LYST: variants seen among roughly 807,000 people sequenced by gnomAD.
The protein encoded by LYST is lysosomal trafficking regulator.
A neutral mutation model predicts 413.6 loss-of-function variants in LYST; 192 were observed. The ratio of observed to expected loss-of-function variants is 0.46; its 90% CI spans 0.41 to 0.52. The LOEUF (loss-of-function observed/expected upper bound fraction) is 0.52. Among genes scored for constraint, LYST ranks in the 20% least tolerant of loss-of-function variants. The probability of loss-of-function intolerance (pLI) is 0.00; values close to 1 mark genes in which losing one functional copy is unlikely to be tolerated. For synonymous variants in LYST, 1,525 were observed against 1,567.3 expected (o/e 0.97, Z 0.64); for missense variants, 3,815 against 4,499.9 (o/e 0.85, Z 4.35).
At chr1:235,741,974 T>C (rs965462311) in intron 30 of LYST, among the ~76,000 whole-genome samples, 24 of 152,178 alleles carry the variant, frequency 1.6e-4, no homozygotes, top group Non-Finnish European at 2.6e-4. Flanking sequence ...TGGATGACCC[T>C]TGAGGACATT....
intron 23 of LYST, 108 bp from the exon 24 acceptor site, chr1:235,757,566 T>C (rs1434032142): frequency 2.6e-5 from 20 of 779,064 alleles, no homozygotes; most frequent in Admixed American, 1.8e-4. Flanking sequence ...GAAACAAATG[T>C]TCATAATGCT....
intron 50 of LYST, among the ~76,000 whole-genome samples, chr1:235,665,381 G>A (rs531155246): frequency 1.3e-5 from 2 of 151,966 alleles, no homozygotes; most frequent in East Asian, 2.0e-4. Context: ...AGGCCGAGGC[G>A]GGTGGATCAC....
chr1:235,880,037 T>C (rs1432217667), intron 1 of LYST, among the ~76,000 whole-genome samples: 2 of 152,212 alleles, frequency 1.3e-5, no homozygotes, highest in Non-Finnish European at 2.9e-5. Flanking sequence ...ATGCCCAGAC[T>C]GAGAATGGAT....
chr1:235,793,920 C>T (rs539160952), intron 10 of LYST, among the ~76,000 whole-genome samples: 4 of 152,204 alleles, frequency 2.6e-5, no homozygotes, highest in African/African-American at 9.6e-5. Flanking sequence ...GCAACCTCCA[C>T]CTCCCAGGTT....
chr1:235,731,661 C>T (rs555619657), intron 34 of LYST, among the ~76,000 whole-genome samples: 117 of 150,420 alleles, frequency 7.8e-4, no homozygotes, highest in African/African-American at 2.8e-3. Context: ...CGGGCTCAAG[C>T]GATTCTCCTG....
chr1:235,743,717 T>C (rs1178666873), intron 30 of LYST, among the ~76,000 whole-genome samples: 3 of 152,198 alleles, frequency 2.0e-5, no homozygotes, highest in Non-Finnish European at 4.4e-5. Context: ...TCTTTTCTGA[T>C]GCTGATCTTA....
At chr1:235,724,865 C>T (rs893465759) in intron 38 of LYST, among the ~76,000 whole-genome samples, 1 of 152,132 alleles carries the variant, frequency 6.6e-6, no homozygotes, top group Admixed American at 6.5e-5. Context: ...AAATGACATC[C>T]CCAGAAGTCA....
At position 235,774,912 on chromosome 1, in the gene LYST, C is replaced by T. The variant is rs754397138; in HGVS notation, c.5634+1G>A. 1.9e-6 allele frequency: 3 copies of T among 1,594,554 alleles called. No homozygotes were observed. The highest frequency in any genetic ancestry group is 1.7e-6 in the Non-Finnish European group (2 of 1,165,038). On this transcript the variant is annotated splice_donor_variant, in intron 18 of 52. Coordinates refer to ENST00000389793, the MANE Select transcript of LYST (RefSeq NM_000081.4). LOFTEE classifies it high-confidence loss of function. ...TAAGAATAAATTTTATGAAGACATA[C>T]CTTCAAAATGTAAAACCCAACAATG...
intron 12 of LYST, among the ~76,000 whole-genome samples, chr1:235,790,547 C>T (rs768791116): frequency 2.6e-5 from 4 of 152,160 alleles, no homozygotes; most frequent in Non-Finnish European, 2.9e-5. Context: ...CTAGTGAAGG[C>T]ATAGTGTCCT....
At chr1:235,819,470 T>G (rs74148831) in intron 3 of LYST, among the ~76,000 whole-genome samples, 12,312 of 152,104 alleles carry the variant, frequency 0.081, 1,693 homozygotes, top group African/African-American at 0.28. Flanking sequence ...AGGTCCTTTG[T>G]ACACACAATA....
chr1:235,684,702 T>TCGA (rs1217695980), intron 48 of LYST, among the ~76,000 whole-genome samples: 16 of 152,168 alleles, frequency 1.1e-4, no homozygotes, highest in Non-Finnish European at 1.0e-4. Flanking sequence ...TGCTGTGATC[T>TCGA]CGACCTTCTG....
intron 12 of LYST, among the ~76,000 whole-genome samples, chr1:235,790,308 C>A (rs554227434): frequency 3.2e-4 from 48 of 152,248 alleles, no homozygotes; most frequent in South Asian, 1.9e-3. Context: ...CAATTCCTTT[C>A]CATCACTTAC....
At chr1:235,701,553 G>A (rs1051179111) in intron 45 of LYST, among the ~76,000 whole-genome samples, 6 of 152,224 alleles carry the variant, frequency 3.9e-5, no homozygotes, top group African/African-American at 7.2e-5. Flanking sequence ...GTTTGAACCC[G>A]GGAGGCAGAG....
At position 235,759,006 on chromosome 1, in the gene LYST, C is replaced by T. The variant is rs762563479; in HGVS notation, c.6847G>A (p.Glu2283Lys). Residue 2283 changes from glutamate to lysine, a missense_variant, in exon 23 of 53, where the codon GAG (glutamate) becomes AAG (lysine). Physicochemically the swap from Glu to Lys is moderately conservative, Grantham distance 56. Transcript: ENST00000389793. ...CTTGCAGTTCGGTTGTAATTTGGCTCATAACCAAGAGAATAGGCAAAGTTT... is the reference window on the plus strand; with the variant it reads ...CTTGCAGTTCGGTTGTAATTTGGCTTATAACCAAGAGAATAGGCAAAGTTT... ...WENFAYSLGY[E>K]PNYNRTASAH... is the part of the protein sequence containing the mutation. 1.2e-6 allele frequency: 2 copies of T among 1,614,008 alleles called. No homozygotes were observed. Among genetic ancestry groups the T allele is most frequent in the Admixed American group, 3.3e-5 (2 of 60,000 alleles).
At chr1:235,801,996 C>A (rs1672283949) in intron 8 of LYST, among the ~76,000 whole-genome samples, 1 of 151,980 alleles carries the variant, frequency 6.6e-6, no homozygotes, top group Non-Finnish European at 1.5e-5. Context: ...GAGTTCGAGA[C>A]TAGCCTGGGC....
intron 29 of LYST, among the ~76,000 whole-genome samples, chr1:235,745,285 T>C (rs1479302956): frequency 1.3e-5 from 2 of 152,210 alleles, no homozygotes; most frequent in Non-Finnish European, 2.9e-5. Flanking sequence ...TAGCTTTTTT[T>C]AGTGGGTGCT....
intron 18 of LYST, 127 bp from the exon 19 acceptor site, chr1:235,774,118 C>A: frequency 1.5e-6 from 1 of 685,204 alleles, no homozygotes; most frequent in Non-Finnish European, 2.6e-6. Flanking sequence ...TAATTTAACA[C>A]TTCACAAAGT....
At chr1:235,781,418 A>G (rs1284988011) in intron 15 of LYST, among the ~76,000 whole-genome samples, 3 of 152,120 alleles carry the variant, frequency 2.0e-5, no homozygotes, top group African/African-American at 4.8e-5. Flanking sequence ...TTGAATCAAT[A>G]TCTTTATTCC....
Position 235,810,473 on chromosome 1 carries a change from T to C in LYST, c.345A>G (p.Gln115=). The C allele has an allele frequency of 6.2e-7, 1 of 1,611,504 alleles. No homozygotes were observed. ...ILTKEKNSSS[Q]RSTQEKLHLE... ...AATGTAATTTTTCCTGAGTGGATCTTTGTGAACTTGAGTTCTTTTCTTTGG... is the reference window on the plus strand; with the variant it reads ...AATGTAATTTTTCCTGAGTGGATCTCTGTGAACTTGAGTTCTTTTCTTTGG... Residue 115 remains glutamine, a synonymous_variant, in exon 5 of 53, where the codon CAA becomes CAG. Coordinates refer to ENST00000389793, the MANE Select transcript of LYST (RefSeq NM_000081.4).
Sources: allele counts gnomAD v4.1 joint callset (sites outside exome capture counted in the v4.1 genomes callset), GRCh38; gene constraint gnomAD v4.1.1; transcripts MANE v1.5; gene names NCBI Gene and HGNC (gene_info 2026-07-23, HGNC 2026-07-21).